The following GPAT4 variants were observed in gnomAD, a reference collection of about 807,000 sequenced individuals.
GPAT4 encodes the protein 1-AGP acyltransferase 6.
GPAT4 carries 17 observed loss-of-function variants against 58.0 expected under a neutral mutation model. The ratio of observed to expected loss-of-function variants is 0.29; its 90% CI spans 0.20 to 0.44. The LOEUF (loss-of-function observed/expected upper bound fraction) is 0.44, where lower values mean the gene tolerates loss of function less well. Ranked by LOEUF, GPAT4 falls within the 20% of genes least tolerant of loss-of-function variation. The probability of loss-of-function intolerance (pLI) is 1.00; values close to 1 mark genes in which losing one functional copy is unlikely to be tolerated. For synonymous variants in GPAT4, 204 were observed against 210.1 expected, an observed-to-expected ratio of 0.97 and a Z score of 0.25; for missense variants, 377 against 574.5, an observed-to-expected ratio of 0.66 and a Z score of 3.51.
chr8:41,592,770 T>C (rs1802829443), intron 1 of GPAT4, among the ~76,000 whole-genome samples: 1 of 152,186 alleles, frequency 6.6e-6, no homozygotes, highest in Non-Finnish European at 1.5e-5. Context: ...GTTTGTAAAC[T>C]TCTTCTTGAA....
At chr8:41,597,017 G>A (rs1050868189) in intron 1 of GPAT4, among the ~76,000 whole-genome samples, 4 of 152,142 alleles carry the variant, frequency 2.6e-5, no homozygotes, top group African/African-American at 9.7e-5. Flanking sequence ...GAACAGGACA[G>A]GGGTTTTCAC....
chr8:41,581,715 G>A (rs1305001940), intron 1 of GPAT4, among the ~76,000 whole-genome samples: 1 of 140,010 alleles, frequency 7.1e-6, no homozygotes, highest in African/African-American at 2.7e-5. Context: ...TGCAAGCTCC[G>A]CCTCCCGGGT....
In GPAT4 at chr8:41,621,044, G is replaced by A. The variant is rs1037724893; in HGVS notation, c.*43G>A. Reference sequence around the variant, plus strand: ...TGGGGCCACCGTGCGGGGTGCCAACGGGCTCAGAGCTGGAGTTGCCGCCGC... The same window carrying A: ...TGGGGCCACCGTGCGGGGTGCCAACAGGCTCAGAGCTGGAGTTGCCGCCGC... On this transcript the variant is annotated 3_prime_UTR_variant, in exon 13 of 13. Transcript: ENST00000396987. The A allele has an allele frequency of 7.7e-6, 12 of 1,549,272 alleles. No individual in the cohort carries two copies. Among genetic ancestry groups the A allele is most frequent in the African/African-American group, 2.7e-5 (2 of 73,020 alleles).
intron 1 of GPAT4, among the ~76,000 whole-genome samples, chr8:41,596,455 C>T (rs901382567): frequency 1.3e-5 from 2 of 152,200 alleles, no homozygotes; most frequent in Non-Finnish European, 2.9e-5. Flanking sequence ...GATCAGGCCA[C>T]GCTTCCACTC....
chr8:41,621,640 TC>T lies in GPAT4; in HGVS notation c.*641del, dbSNP rs1462201392. The T allele has an allele frequency of 6.6e-6, 1 of 152,536 alleles. No individual in the cohort carries two copies. The highest frequency in any genetic ancestry group is 1.9e-4 in the East Asian group (1 of 5,192). The allele number at this position is 152,536 out of a possible 1,614,324, so 9.4% of individuals were successfully genotyped here. ...CCATGGGGAGAACGTGTGTTCGTAC[TC>T]CAGGCTAACCCTGAACTCCCCATGT... On this transcript the variant is annotated 3_prime_UTR_variant, in exon 13 of 13. Coordinates refer to ENST00000396987, the MANE Select transcript of GPAT4 (RefSeq NM_178819.4).
At chr8:41,614,248 G>T (rs1397421581) in intron 8 of GPAT4, 138 bp from the exon 9 acceptor site, 4 of 670,010 alleles carry the variant, frequency 6.0e-6, no homozygotes, top group Admixed American at 3.1e-5. Flanking sequence ...TTAGATTATG[G>T]GTTTAAAAGG....
chr8:41,586,572 A>G (rs1269237754), intron 1 of GPAT4, among the ~76,000 whole-genome samples: 1 of 152,076 alleles, frequency 6.6e-6, no homozygotes, highest in African/African-American at 2.4e-5. Context: ...CAACCATAGC[A>G]CCAGTTCCCT....
chr8:41,598,939 G>T lies in GPAT4; in HGVS notation c.-201G>T. ...CTGGAGAGACCTGGCGTTTGCAGTT[G>T]CCTCCTGTGGCCGTGTTTTTCTGTC... On this transcript the variant is annotated 5_prime_UTR_variant, in exon 2 of 13. Coordinates refer to ENST00000396987, the MANE Select transcript of GPAT4 (RefSeq NM_178819.4). 16 of 630,074 alleles carry T rather than the reference G, an allele frequency of 2.5e-5. No homozygotes were observed. Among genetic ancestry groups the T allele is most frequent in the Middle Eastern group, 4.5e-4 (1 of 2,228 alleles). 39.0% of individuals were successfully genotyped at this position (630,074 alleles called of 1,614,324 possible). A position where few individuals can be genotyped will look rare whatever the true frequency, so the allele number is the denominator to read the frequency against.
intron 1 of GPAT4, among the ~76,000 whole-genome samples, chr8:41,597,964 G>A (rs1277032985): frequency 6.6e-6 from 1 of 152,206 alleles, no homozygotes; most frequent in Non-Finnish European, 1.5e-5. Flanking sequence ...TGAGTATCTG[G>A]GGGACAGGAA....
intron 4 of GPAT4, 192 bp from the exon 5 acceptor site, chr8:41,610,544 T>C: frequency 6.8e-7 from 1 of 1,477,390 alleles, no homozygotes. Flanking sequence ...CATGGCTCAC[T>C]GTCAGCTGGA....
intron 10 of GPAT4, 132 bp from the exon 11 acceptor site, chr8:41,618,552 A>G: frequency 8.8e-7 from 1 of 1,138,300 alleles, no homozygotes; most frequent in South Asian, 1.4e-5. Flanking sequence ...CTTCCACAGT[A>G]CTCATGCAAG....
rs539841487 is a variant in GPAT4, at chr8:41,621,172, C to T, written c.*171C>T. ...AGCCGCAGCGGGATCCCTGTGCACC[C>T]GGCGCAGCCTACCCTTGGTGGTCTA... On this transcript the variant is annotated 3_prime_UTR_variant, in exon 13 of 13. Coordinates refer to ENST00000396987, the MANE Select transcript of GPAT4 (RefSeq NM_178819.4). 28 of 931,726 alleles carry T rather than the reference C, an allele frequency of 3.0e-5. No homozygotes were observed. The highest frequency in any genetic ancestry group is 6.7e-4 in the Middle Eastern group (2 of 2,990). The allele number at this position is 931,726 out of a possible 1,614,324, so 57.7% of individuals were successfully genotyped here. A position where few individuals can be genotyped will look rare whatever the true frequency, so the allele number is the denominator to read the frequency against.
intron 1 of GPAT4, among the ~76,000 whole-genome samples, chr8:41,585,528 A>G (rs1802629075): frequency 2.0e-5 from 3 of 152,182 alleles, no homozygotes; most frequent in Non-Finnish European, 4.4e-5. Context: ...CTTTATGGTG[A>G]TGATTAGTAG....
intron 1 of GPAT4, among the ~76,000 whole-genome samples, chr8:41,582,109 A>G (rs1029506022): frequency 7.2e-6 from 1 of 139,824 alleles, no homozygotes; most frequent in Admixed American, 7.9e-5. Flanking sequence ...TCCTGAGCTC[A>G]AATGATTTCC....
chr8:41,600,652 A>G (rs1452148561), intron 2 of GPAT4, among the ~76,000 whole-genome samples: 1 of 151,998 alleles, frequency 6.6e-6, no homozygotes, highest in Non-Finnish European at 1.5e-5. Flanking sequence ...ATAATTTTAG[A>G]GTGAACAGTT....
chr8:41,589,787 A>G (rs1043818749), intron 1 of GPAT4, among the ~76,000 whole-genome samples: 3 of 152,188 alleles, frequency 2.0e-5, no homozygotes, highest in Admixed American at 2.0e-4. Context: ...CCTGGTGTCA[A>G]TCACCTTGGG....
intron 2 of GPAT4, among the ~76,000 whole-genome samples, chr8:41,604,110 A>G (rs1252815346): frequency 6.8e-6 from 1 of 146,246 alleles, no homozygotes; most frequent in Non-Finnish European, 1.5e-5. Context: ...CTGTATTAAT[A>G]GTGTTTACTT....
At position 41,621,022 on chromosome 8, in the gene GPAT4, G is replaced by C. The variant is rs1442360939; in HGVS notation, c.*21G>C. ...CCTGAGCCTGCCTCCAGCTGGCTGG[G>C]GCCACCGTGCGGGGTGCCAACGGGC... On this transcript the variant is annotated 3_prime_UTR_variant, in exon 13 of 13. Coordinates refer to ENST00000396987, the MANE Select transcript of GPAT4 (RefSeq NM_178819.4). The C allele has an allele frequency of 6.5e-7, 1 of 1,550,320 alleles. No homozygotes were observed. Among genetic ancestry groups the C allele is most frequent in the African/African-American group, 1.4e-5 (1 of 73,030 alleles).
chr8:41,608,496 A>G (rs547234203), intron 2 of GPAT4, among the ~76,000 whole-genome samples: 144 of 152,318 alleles, frequency 9.5e-4, no homozygotes, highest in African/African-American at 3.3e-3. Context: ...TTCACCTCTC[A>G]TTTGATAGTG....
Sources: allele counts gnomAD v4.1 joint callset (sites outside exome capture counted in the v4.1 genomes callset), GRCh38; gene constraint gnomAD v4.1.1; transcripts MANE v1.5; gene names NCBI Gene and HGNC (gene_info 2026-07-23, HGNC 2026-07-21).